The following SPOCK1 variants were observed in gnomAD, a reference collection of about 807,000 sequenced individuals.
SPOCK1 encodes testican-1.
A neutral mutation model predicts 55.3 loss-of-function variants in SPOCK1; 23 were observed. The ratio of observed to expected loss-of-function variants is 0.42; its 90% CI spans 0.30 to 0.59. The LOEUF is 0.59. Ranked by LOEUF, SPOCK1 falls within the 20% of genes least tolerant of loss-of-function variation. The pLI is 0.22. For synonymous variants in SPOCK1, 226 were observed against 221.0 expected, an observed-to-expected ratio of 1.02 and a Z score of -0.20; for missense variants, 499 against 552.5, an observed-to-expected ratio of 0.90 and a Z score of 0.97.
intron 2 of SPOCK1, among the ~76,000 whole-genome samples, chr5:137,459,450 G>C (rs1362625841): frequency 4.0e-5 from 1 of 24,984 alleles, no homozygotes. Context: ...CTAATGAAAG[G>C]CTTTTTTTTT....
intron 2 of SPOCK1, among the ~76,000 whole-genome samples, chr5:137,440,418 G>A (rs909205393): frequency 1.3e-5 from 2 of 152,216 alleles, no homozygotes; most frequent in African/African-American, 4.8e-5. Context: ...TGTACAGTTA[G>A]CTTTGGAGGG....
At chr5:137,091,109 G>C (rs938476870) in intron 5 of SPOCK1, among the ~76,000 whole-genome samples, 3 of 152,184 alleles carry the variant, frequency 2.0e-5, no homozygotes, top group Admixed American at 2.0e-4. Context: ...GCTAAAGAGG[G>C]TGCAAAGATG....
chr5:137,144,392 A>G (rs972150844), intron 3 of SPOCK1, among the ~76,000 whole-genome samples: 8 of 152,248 alleles, frequency 5.3e-5, no homozygotes, highest in Admixed American at 1.3e-4. Context: ...AACTCCCTAC[A>G]TACTTAACAA....
At chr5:137,083,007 T>C (rs1305440595) in intron 5 of SPOCK1, among the ~76,000 whole-genome samples, 1 of 152,196 alleles carries the variant, frequency 6.6e-6, no homozygotes, top group East Asian at 1.9e-4. Context: ...CTGTGTTTCA[T>C]ACAGCTAAGT....
intron 3 of SPOCK1, among the ~76,000 whole-genome samples, chr5:137,159,803 G>C (rs1235429565): frequency 1.3e-5 from 2 of 151,996 alleles, no homozygotes; most frequent in African/African-American, 4.8e-5. Context: ...TTTAATTCTA[G>C]TTCTCTTTCT....
intron 2 of SPOCK1, among the ~76,000 whole-genome samples, chr5:137,415,863 C>G (rs1483178385): frequency 6.6e-6 from 1 of 152,122 alleles, no homozygotes. Context: ...GAAATCATAT[C>G]TTCCTAAATA....
Position 137,384,563 on chromosome 5 carries a change from C to CATATATAT in SPOCK1, c.186+113802_186+113809dup, listed in dbSNP as rs368458010. 2.7e-3 allele frequency among the ~76,000 whole-genome samples: 367 copies of CATATATAT among 133,526 alleles called. 4 individuals carry two copies. Among genetic ancestry groups the CATATATAT allele is most frequent in the African/African-American group, 0.012 (345 of 28,742 alleles). The allele number at this position is 133,526 out of a possible 152,430, so 87.6% of individuals were successfully genotyped here. A position where few individuals can be genotyped will look rare whatever the true frequency, so the allele number is the denominator to read the frequency against. On this transcript the variant is annotated intron_variant, in intron 2 of 10. Transcript: ENST00000394945. Reference sequence around the variant, plus strand: ...ATATATACACACATATACATACATACATATATATATATATATGTATGTATT... The same window carrying CATATATAT: ...ATATATACACACATATACATACATACATATATATATATATATATATATATGTATGTATT...
chr5:137,148,328 A>G (rs1258278121), intron 3 of SPOCK1, among the ~76,000 whole-genome samples: 1 of 152,252 alleles, frequency 6.6e-6, no homozygotes, highest in Non-Finnish European at 1.5e-5. Context: ...ATGGTAATTT[A>G]CATGTCCTGA....
chr5:137,278,958 C>T (rs1390157859), intron 2 of SPOCK1, among the ~76,000 whole-genome samples: 1 of 152,148 alleles, frequency 6.6e-6, no homozygotes, highest in Non-Finnish European at 1.5e-5. Flanking sequence ...TGTCCTACTT[C>T]CCCCCAGGGG....
At chr5:137,106,977 C>G (rs140969402) in intron 5 of SPOCK1, among the ~76,000 whole-genome samples, 10 of 152,240 alleles carry the variant, frequency 6.6e-5, no homozygotes, top group African/African-American at 2.2e-4. Context: ...ACTGAATGAG[C>G]TCCTGTGCCC....
intron 2 of SPOCK1, among the ~76,000 whole-genome samples, chr5:137,351,124 C>A (rs1174034618): frequency 2.0e-5 from 3 of 152,116 alleles, no homozygotes; most frequent in Non-Finnish European, 4.4e-5. Flanking sequence ...TGAGATAGCC[C>A]AACAGCCAGA....
In SPOCK1 at chr5:137,270,247, CT is replaced by C. The variant is rs1580839677; in HGVS notation, c.187-3193del. Among the ~76,000 whole-genome samples, 4 of 152,314 alleles carry C rather than the reference CT, an allele frequency of 2.6e-5. No individual in the cohort carries two copies. In the East Asian group the frequency reaches 5.8e-4, roughly 22 times the overall value. On this transcript the variant is annotated intron_variant, in intron 2 of 10. Transcript: ENST00000394945. ...GCAAGGCATATCTATCTGAGTTAGCCTTTTGAGTGGCAATTTTATCATCTAA... is the reference window on the plus strand; with the variant it reads ...GCAAGGCATATCTATCTGAGTTAGCCTTTGAGTGGCAATTTTATCATCTAA...
intron 2 of SPOCK1, among the ~76,000 whole-genome samples, chr5:137,276,330 ACTT>A (rs778611465): frequency 1.9e-4 from 29 of 152,192 alleles, no homozygotes; most frequent in Non-Finnish European, 3.7e-4. Flanking sequence ...CAGTTTAGAC[ACTT>A]CTTCTCGTGG....
intron 6 of SPOCK1, among the ~76,000 whole-genome samples, chr5:137,020,963 G>T (rs916717549): frequency 6.6e-6 from 1 of 152,058 alleles, no homozygotes; most frequent in Non-Finnish European, 1.5e-5. Flanking sequence ...AAGCATCAGT[G>T]GAACAATGAC....
chr5:137,419,309 TTAAAG>T (rs1334499235), intron 2 of SPOCK1, among the ~76,000 whole-genome samples: 2 of 152,188 alleles, frequency 1.3e-5, no homozygotes, highest in Admixed American at 1.3e-4. Context: ...CATATGAACT[TTAAAG>T]TAGTTTTTTC....
At chr5:137,420,210 G>A (rs973328663) in intron 2 of SPOCK1, among the ~76,000 whole-genome samples, 2 of 152,182 alleles carry the variant, frequency 1.3e-5, no homozygotes, top group Non-Finnish European at 2.9e-5. Context: ...GTATTTTATT[G>A]AGAATTTTTG....
At chr5:137,302,413 CA>C (rs11381943) in intron 2 of SPOCK1, among the ~76,000 whole-genome samples, 6 of 136,854 alleles carry the variant, frequency 4.4e-5, no homozygotes, top group East Asian at 2.1e-4. Flanking sequence ...ACTAAAAATA[CA>C]AAAAAAAAAA....
chr5:137,036,953 A>AGCCC (rs1333722978), intron 6 of SPOCK1, among the ~76,000 whole-genome samples: 2 of 152,140 alleles, frequency 1.3e-5, no homozygotes, highest in Admixed American at 6.5e-5. Flanking sequence ...TCAGATTACC[A>AGCCC]GCCCGGCAGC....
At chr5:137,231,432 A>T (rs1252129127) in intron 3 of SPOCK1, among the ~76,000 whole-genome samples, 1 of 152,122 alleles carries the variant, frequency 6.6e-6, no homozygotes, top group Non-Finnish European at 1.5e-5. Flanking sequence ...GCAACTATCA[A>T]TCTTTTCTCC....
Sources: allele counts gnomAD v4.1 joint callset (sites outside exome capture counted in the v4.1 genomes callset), GRCh38; gene constraint gnomAD v4.1.1; transcripts MANE v1.5; gene names NCBI Gene and HGNC (gene_info 2026-07-23, HGNC 2026-07-21).